Variants in MRTFB observed in about 807,000 individuals in gnomAD.
The protein encoded by MRTFB is myocardin-related transcription factor B.
In MRTFB, 29 loss-of-function variants were observed where a neutral mutation model predicts 104.2. That is an observed-to-expected ratio of 0.28 (90% confidence interval 0.21 to 0.38). The LOEUF (loss-of-function observed/expected upper bound fraction) is 0.38, where lower values mean the gene tolerates loss of function less well. MRTFB is among the 10% of genes least tolerant of loss of function. MRTFB has a pLI of 1.00. For synonymous variants in MRTFB, 535 were observed against 519.5 expected, an observed-to-expected ratio of 1.03 and a Z score of -0.41; for missense variants, 1,270 against 1,341.6, an observed-to-expected ratio of 0.95 and a Z score of 0.83.
rs1387614526 is a variant in MRTFB, at chr16:14,140,724, A to G, written c.118A>G (p.Ser40Gly). ...ATTCCAGGAACTCTCCTTGCAGTCC[A>G]GTCAAAACTTACCCCCTCTGAACGA... Reference protein sequence around the residue: ...HEFQELSLQSSQNLPPLNERK... With the variant: ...HEFQELSLQSGQNLPPLNERK... Residue 40 changes from serine to glycine, a missense_variant, in exon 3 of 17, where the codon AGT (serine) becomes GGT (glycine). Physicochemically the swap from Ser to Gly is moderately conservative, Grantham distance 56. This residue lies in a region of MRTFB where 62 missense variants were observed against 57.2 expected (regional missense o/e 1.08). Transcript: ENST00000571589. The G allele has an allele frequency of 1.2e-6, 2 of 1,614,086 alleles. No homozygotes were observed. The highest frequency in any genetic ancestry group is 1.3e-5 in the African/African-American group (1 of 74,934).
chr16:14,210,880 G>T (rs1467211437), intron 4 of MRTFB, among the ~76,000 whole-genome samples: 2 of 152,114 alleles, frequency 1.3e-5, no homozygotes, highest in Non-Finnish European at 2.9e-5. Context: ...ATTAATTTTA[G>T]AATGTTTGTT....
the MRTFB span, among the ~76,000 whole-genome samples, chr16:14,002,860 A>G: frequency 6.6e-6 from 1 of 152,198 alleles, no homozygotes; most frequent in Non-Finnish European, 1.5e-5. Flanking sequence ...AATCAAATTA[A>G]GAAAGAAAAG....
chr16:14,067,524 G>A (rs2141734205), upstream of MRTFB, among the ~76,000 whole-genome samples: 1 of 152,216 alleles, frequency 6.6e-6, no homozygotes, highest in Non-Finnish European at 1.5e-5. Flanking sequence ...TGCCCAGCCT[G>A]GTGTTAACCC....
At chr16:14,045,504 G>A in the MRTFB span, among the ~76,000 whole-genome samples, 3 of 152,146 alleles carry the variant, frequency 2.0e-5, no homozygotes, top group African/African-American at 7.2e-5. Flanking sequence ...GCAGATATTC[G>A]AAAACCTTAC....
chr16:14,157,867 G>A (rs902020809), intron 3 of MRTFB, among the ~76,000 whole-genome samples: 2 of 151,956 alleles, frequency 1.3e-5, no homozygotes, highest in African/African-American at 4.8e-5. Context: ...TGTATAATTT[G>A]TACTTTAGAA....
At chr16:14,027,361 C>T in the MRTFB span, among the ~76,000 whole-genome samples, 1 of 152,032 alleles carries the variant, frequency 6.6e-6, no homozygotes, top group Admixed American at 6.6e-5. Context: ...GATTGATGGT[C>T]GCCAGGGGTT....
At chr16:14,236,636 A>G (rs573896420) in intron 9 of MRTFB, among the ~76,000 whole-genome samples, 11 of 152,302 alleles carry the variant, frequency 7.2e-5, no homozygotes, top group African/African-American at 2.4e-4. Context: ...GGTGTGAGCC[A>G]TGAAGATATC....
chr16:14,069,105 G>T (rs970227240), upstream of MRTFB, among the ~76,000 whole-genome samples: 2 of 151,744 alleles, frequency 1.3e-5, no homozygotes, highest in Non-Finnish European at 2.9e-5. Flanking sequence ...CAGTAGCTGG[G>T]ATTACAGGCA....
chr16:14,114,392 C>T (rs570543371), intron 2 of MRTFB, among the ~76,000 whole-genome samples: 1 of 152,180 alleles, frequency 6.6e-6, no homozygotes, highest in African/African-American at 2.4e-5. Flanking sequence ...TTCTTCTAGC[C>T]CAAATAAGCA....
chr16:14,224,094 C>T (rs143100761), intron 8 of MRTFB, among the ~76,000 whole-genome samples: 93 of 152,200 alleles, frequency 6.1e-4, no homozygotes, highest in Non-Finnish European at 1.1e-3. Context: ...CAGGAGAGAG[C>T]GAGCGAGCAC....
At chr16:14,244,068 C>T (rs553075904) in intron 10 of MRTFB, among the ~76,000 whole-genome samples, 7 of 151,952 alleles carry the variant, frequency 4.6e-5, no homozygotes, top group East Asian at 1.9e-4. Flanking sequence ...TAAGTAGAGA[C>T]GGGGTTTCAC....
At chr16:14,078,799 A>G (rs1359833321) in intron 1 of MRTFB, among the ~76,000 whole-genome samples, 3 of 145,740 alleles carry the variant, frequency 2.1e-5, no homozygotes, top group African/African-American at 8.3e-5. Flanking sequence ...ATTTATTATT[A>G]TATAATAACA....
At chr16:14,231,005 T>C (rs1455314176) in intron 8 of MRTFB, among the ~76,000 whole-genome samples, 4 of 151,700 alleles carry the variant, frequency 2.6e-5, no homozygotes, top group African/African-American at 9.7e-5. Context: ...AAATTGGAAA[T>C]CATCATTCTC....
chr16:14,190,631 C>T (rs1467959014), intron 3 of MRTFB, among the ~76,000 whole-genome samples: 1 of 151,998 alleles, frequency 6.6e-6, no homozygotes, highest in African/African-American at 2.4e-5. Flanking sequence ...TAAGATACTA[C>T]AGAAAGAAAA....
rs554401130 is a variant in MRTFB, at chr16:14,207,970, CAGGTACCT to C, written c.155-2270_155-2263del. ...AACTTGTAGGATCTGACACTAACTC[CAGGTACCT>C]AGTGTCAGAATTGAATCATTGGACA... On this transcript the variant is annotated intron_variant, in intron 3 of 16. Transcript: ENST00000571589. Among the ~76,000 whole-genome samples the C allele has an allele frequency of 3.9e-3, 600 of 152,262 alleles. 3 individuals carry two copies. Among genetic ancestry groups the C allele is most frequent in the Non-Finnish European group, 6.6e-3 (448 of 68,030 alleles).
chr16:14,249,887 C>A (rs2043182730), intron 13 of MRTFB, among the ~76,000 whole-genome samples: 1 of 152,198 alleles, frequency 6.6e-6, no homozygotes, highest in African/African-American at 2.4e-5. Context: ...TGTGAACTGT[C>A]TGGGTGAAAC....
At chr16:14,122,391 G>A (rs1490411734) in intron 2 of MRTFB, among the ~76,000 whole-genome samples, 4 of 151,656 alleles carry the variant, frequency 2.6e-5, no homozygotes, top group African/African-American at 4.8e-5. Context: ...CCCATCAGCC[G>A]GTCACCTACC....
At position 14,140,570 on chromosome 16, in the gene MRTFB, G is replaced by A; in HGVS notation, c.-37G>A. ...GTCTTCAATAGGCCGTGTTTAAGAG[G>A]CGTCTTACACTCCCTGTTGCCAGTG... On this transcript the variant is annotated 5_prime_UTR_variant, in exon 3 of 17. Coordinates refer to ENST00000571589, the MANE Select transcript of MRTFB (RefSeq NM_001308142.2). 2 of 1,610,322 alleles carry A rather than the reference G, an allele frequency of 1.2e-6. No homozygotes were observed. Among genetic ancestry groups the A allele is most frequent in the Non-Finnish European group, 1.7e-6 (2 of 1,177,444 alleles).
At chr16:14,080,557 A>G (rs1204633027) in intron 2 of MRTFB, among the ~76,000 whole-genome samples, 1 of 152,202 alleles carries the variant, frequency 6.6e-6, no homozygotes, top group African/African-American at 2.4e-5. Flanking sequence ...AATTAACAAT[A>G]GTCACCATGC....
Sources: allele counts gnomAD v4.1 joint callset (sites outside exome capture counted in the v4.1 genomes callset), GRCh38; gene constraint gnomAD v4.1.1; regional missense constraint gnomAD v4.1.1; transcripts MANE v1.5; gene names NCBI Gene and HGNC (gene_info 2026-07-23, HGNC 2026-07-21).